Variants in IMMP2L observed in about 807,000 individuals in gnomAD.
IMMP2L encodes inner mitochondrial membrane peptidase subunit 2, also known as mitochondrial inner membrane protease subunit 2.
In IMMP2L, 18 loss-of-function variants were observed where a neutral mutation model predicts 19.3. The observed-to-expected ratio is 0.93, with a 90% CI of 0.64 to 1.38. The LOEUF (loss-of-function observed/expected upper bound fraction) is 1.38, where lower values mean the gene tolerates loss of function less well. IMMP2L is among the 40% of genes most tolerant of loss of function. The pLI, the probability that IMMP2L is intolerant of heterozygous loss-of-function variation, is 0.00. For missense variants in IMMP2L, 233 were observed against 218.2 expected (o/e 1.07, Z -0.43); for synonymous variants, 76 against 73.0 (o/e 1.04, Z -0.21).
At chr7:110,754,924 A>G (rs1797950430) in intron 5 of IMMP2L, among the ~76,000 whole-genome samples, 1 of 151,958 alleles carries the variant, frequency 6.6e-6, no homozygotes, top group Non-Finnish European at 1.5e-5. Flanking sequence ...TTCAAATATT[A>G]CATTTGAAAT....
chr7:111,007,653 G>A (rs867070747), intron 3 of IMMP2L, among the ~76,000 whole-genome samples: 5 of 151,838 alleles, frequency 3.3e-5, no homozygotes, highest in African/African-American at 9.7e-5. Context: ...TGACGTGTAC[G>A]TATGTACACA....
intron 3 of IMMP2L, among the ~76,000 whole-genome samples, chr7:111,083,422 A>G (rs1796048816): frequency 6.6e-6 from 1 of 152,200 alleles, no homozygotes; most frequent in Admixed American, 6.5e-5. Flanking sequence ...AGGTATAGCT[A>G]AATTGTTAGT....
intron 2 of IMMP2L, among the ~76,000 whole-genome samples, chr7:111,488,593 C>A (rs1351715972): frequency 6.6e-6 from 1 of 152,138 alleles, no homozygotes; most frequent in Non-Finnish European, 1.5e-5. Context: ...GGCATTTGGG[C>A]TGGTTCCATA....
At chr7:111,474,602 C>G (rs987307467) in intron 3 of IMMP2L, among the ~76,000 whole-genome samples, 15 of 151,810 alleles carry the variant, frequency 9.9e-5, no homozygotes, top group Non-Finnish European at 1.8e-4. Flanking sequence ...GCAGTTTAAC[C>G]TTTCATTTAG....
At chr7:110,984,502 A>AT (rs1371549696) in intron 3 of IMMP2L, among the ~76,000 whole-genome samples, 1 of 152,108 alleles carries the variant, frequency 6.6e-6, no homozygotes, top group Non-Finnish European at 1.5e-5. Context: ...ATAAGAGGTA[A>AT]AACCAGTACT....
At chr7:111,420,323 A>G (rs1237414047) in intron 3 of IMMP2L, among the ~76,000 whole-genome samples, 1 of 151,822 alleles carries the variant, frequency 6.6e-6, no homozygotes, top group African/African-American at 2.4e-5. Context: ...AGAGATCACA[A>G]AAGAAATTCC....
At chr7:111,501,776 G>A (rs865780557) in intron 2 of IMMP2L, among the ~76,000 whole-genome samples, 14 of 152,148 alleles carry the variant, frequency 9.2e-5, no homozygotes, top group Admixed American at 7.2e-4. Context: ...CACATGCTGA[G>A]AGATTCTGTC....
chr7:111,518,094 C>A (rs1014826944), intron 2 of IMMP2L, among the ~76,000 whole-genome samples: 2 of 151,962 alleles, frequency 1.3e-5, no homozygotes, highest in African/African-American at 4.8e-5. Context: ...TGTTTGATCA[C>A]CCTTATCTTT....
At chr7:111,304,602 T>C (rs532695315) in intron 3 of IMMP2L, among the ~76,000 whole-genome samples, 1 of 151,946 alleles carries the variant, frequency 6.6e-6, no homozygotes, top group African/African-American at 2.4e-5. Context: ...TATGGGTGTA[T>C]ATACATATAT....
At chr7:111,445,076 C>A (rs1838181559) in intron 3 of IMMP2L, among the ~76,000 whole-genome samples, 1 of 151,974 alleles carries the variant, frequency 6.6e-6, no homozygotes, top group Non-Finnish European at 1.5e-5. Flanking sequence ...ATCTAAACGT[C>A]CATAAAAATT....
intron 3 of IMMP2L, among the ~76,000 whole-genome samples, chr7:110,963,962 G>A (rs531571828): frequency 6.9e-6 from 1 of 145,024 alleles, no homozygotes; most frequent in African/African-American, 2.6e-5. Flanking sequence ...GGACCTGGTG[G>A]GAGGTGACTG....
intron 3 of IMMP2L, among the ~76,000 whole-genome samples, chr7:111,232,799 T>C (rs1275636135): frequency 2.0e-5 from 3 of 152,094 alleles, no homozygotes; most frequent in Non-Finnish European, 2.9e-5. Context: ...TTATCTCTGC[T>C]ACCTTTACCT....
chr7:110,713,813 C>T (rs764785337), intron 5 of IMMP2L, among the ~76,000 whole-genome samples: 2 of 152,014 alleles, frequency 1.3e-5, no homozygotes, highest in Non-Finnish European at 2.9e-5. Flanking sequence ...TTATGGAAGT[C>T]ATTTATCAGT....
chr7:111,160,251 A>G (rs1363170523), intron 3 of IMMP2L, among the ~76,000 whole-genome samples: 1 of 152,110 alleles, frequency 6.6e-6, no homozygotes, highest in East Asian at 1.9e-4. Flanking sequence ...ATTATAAATA[A>G]GTTATCCAAA....
At chr7:110,767,352 T>G (rs903065852) in intron 5 of IMMP2L, among the ~76,000 whole-genome samples, 1 of 152,178 alleles carries the variant, frequency 6.6e-6, no homozygotes, top group African/African-American at 2.4e-5. Context: ...TAATTTACTT[T>G]CAGTATGGGT....
chr7:111,493,661 C>T (rs1416407956), intron 2 of IMMP2L, among the ~76,000 whole-genome samples: 7 of 150,182 alleles, frequency 4.7e-5, no homozygotes, highest in Non-Finnish European at 1.0e-4. Context: ...GCGGAGATCG[C>T]GCCACTGCAC....
At chr7:111,239,059 T>C (rs1814679205) in intron 3 of IMMP2L, among the ~76,000 whole-genome samples, 1 of 151,982 alleles carries the variant, frequency 6.6e-6, no homozygotes, top group African/African-American at 2.4e-5. Flanking sequence ...CCAATATCTC[T>C]GCCCCACTCT....
rs1823104858 is a variant in IMMP2L, at chr7:111,308,277, T to C, written c.239+178961A>G. Among the ~76,000 whole-genome samples the C allele has an allele frequency of 4.0e-5, 6 of 151,890 alleles. No homozygotes were observed. In the South Asian group the frequency reaches 1.2e-3, roughly 31 times the overall value. Reference sequence around the variant, plus strand: ...CTTTCATGAAAATATGAAAGCTAAATAAATATATAAGGGTAAACAAATAAA... The same window carrying C: ...CTTTCATGAAAATATGAAAGCTAAACAAATATATAAGGGTAAACAAATAAA... On this transcript the variant is annotated intron_variant, in intron 3 of 5. Coordinates refer to ENST00000405709, the MANE Select transcript of IMMP2L (RefSeq NM_032549.4).
chr7:110,914,559 G>A (rs1347780716), intron 4 of IMMP2L, among the ~76,000 whole-genome samples: 1 of 152,056 alleles, frequency 6.6e-6, no homozygotes, highest in Non-Finnish European at 1.5e-5. Flanking sequence ...ATTTCTTTGG[G>A]ACATCGTCCC....
Sources: allele counts gnomAD v4.1 joint callset (sites outside exome capture counted in the v4.1 genomes callset), GRCh38; gene constraint gnomAD v4.1.1; transcripts MANE v1.5; gene names NCBI Gene and HGNC (gene_info 2026-07-23, HGNC 2026-07-21).